Variants in SNX7 observed in about 807,000 individuals in gnomAD.
SNX7 encodes the protein sorting nexin 7, also known as sorting nexin-7.
A neutral mutation model predicts 48.4 loss-of-function variants in SNX7; 35 were observed. The observed-to-expected ratio is 0.72, with a 90% CI of 0.55 to 0.96. SNX7 has a LOEUF of 0.96. Among genes scored for constraint, SNX7 ranks in the 40% least tolerant of loss-of-function variants. SNX7 has a pLI of 0.00. For synonymous variants in SNX7, 190 were observed against 190.2 expected (o/e 1.00, Z 0.01); for missense variants, 553 against 548.9 (o/e 1.01, Z -0.07).
chr1:98,707,473 C>T (rs372855847), intron 7 of SNX7, among the ~76,000 whole-genome samples: 1 of 152,064 alleles, frequency 6.6e-6, no homozygotes, highest in East Asian at 1.9e-4. Flanking sequence ...TTTGGAGAAA[C>T]TTGTGGGTTT....
chr1:98,730,494 T>G (rs12142738), intron 7 of SNX7, among the ~76,000 whole-genome samples: 33,669 of 151,900 alleles, frequency 0.22, 4,311 homozygotes, highest in Non-Finnish European at 0.29. Flanking sequence ...CGAGCCTATA[T>G]CTAGAAAACC....
intron 1 of SNX7, among the ~76,000 whole-genome samples, chr1:98,665,003 GAA>G (rs1309188797): frequency 1.3e-5 from 2 of 152,052 alleles, no homozygotes; most frequent in African/African-American, 4.8e-5. Context: ...ACGTTTAAAG[GAA>G]AAAATCCTCC....
chr1:98,682,048 A>G (rs1650519891), intron 1 of SNX7, among the ~76,000 whole-genome samples: 1 of 151,276 alleles, frequency 6.6e-6, no homozygotes, highest in South Asian at 2.1e-4. Flanking sequence ...GCTTCCTATC[A>G]CATTTATGTC....
intron 7 of SNX7, among the ~76,000 whole-genome samples, 175 bp from the exon 8 acceptor site, chr1:98,738,062 G>A (rs1653881099): frequency 6.6e-6 from 1 of 152,112 alleles, no homozygotes; most frequent in Admixed American, 6.6e-5. Flanking sequence ...GACTCAACCT[G>A]ACTGAACCCC....
At chr1:98,665,055 A>T in intron 1 of SNX7, among the ~76,000 whole-genome samples, 1 of 152,298 alleles carries the variant, frequency 6.6e-6, no homozygotes, top group East Asian at 1.9e-4. Flanking sequence ...AATTGCCTTT[A>T]TTTTTATTGA....
chr1:98,737,754 G>C lies in SNX7; in HGVS notation c.1126-483G>C, dbSNP rs1321449309. On this transcript the variant is annotated intron_variant, in intron 7 of 8. Coordinates refer to ENST00000306121, the MANE Select transcript of SNX7 (RefSeq NM_015976.5). ...GTTAATCCCCTGGGCCTCCAGGTGG[G>C]ACTACAGAGTATGGATGTTATAACC... is the stretch of plus-strand genomic sequence containing the variant. Among the ~76,000 whole-genome samples the C allele has an allele frequency of 2.6e-5, 4 of 152,042 alleles. No homozygotes were observed. In the East Asian group the frequency reaches 7.7e-4, roughly 29 times the overall value.
chr1:98,688,702 A>G (rs1385909598), intron 2 of SNX7, among the ~76,000 whole-genome samples: 1 of 152,168 alleles, frequency 6.6e-6, no homozygotes, highest in East Asian at 1.9e-4. Context: ...TCAAATACCC[A>G]AGCTTTTATG....
chr1:98,675,437 T>A (rs9659362), intron 1 of SNX7, among the ~76,000 whole-genome samples: 39,300 of 152,056 alleles, frequency 0.26, 5,449 homozygotes, highest in South Asian at 0.31. Context: ...CTGCCTTTGC[T>A]AGATATCGAA....
At chr1:98,697,848 A>G (rs1441521629) in intron 5 of SNX7, among the ~76,000 whole-genome samples, 1 of 152,148 alleles carries the variant, frequency 6.6e-6, no homozygotes, top group Non-Finnish European at 1.5e-5. Flanking sequence ...GATTTATTTG[A>G]ACTGGAATTT....
chr1:98,755,283 T>C (rs1297513658), intron 8 of SNX7, among the ~76,000 whole-genome samples: 1 of 152,106 alleles, frequency 6.6e-6, no homozygotes, highest in Non-Finnish European at 1.5e-5. Context: ...TCTGCTTTTG[T>C]CCTGTAGATC....
At chr1:98,731,192 A>G (rs565361119) in intron 7 of SNX7, among the ~76,000 whole-genome samples, 171 of 151,262 alleles carry the variant, frequency 1.1e-3, no homozygotes, top group African/African-American at 3.8e-3. Flanking sequence ...ACTCCAAAGT[A>G]TAGGAATACT....
intron 8 of SNX7, among the ~76,000 whole-genome samples, chr1:98,742,957 C>T (rs1654143165): frequency 6.6e-6 from 1 of 151,850 alleles, no homozygotes; most frequent in South Asian, 2.1e-4. Context: ...ATACATCATA[C>T]TGATGTATAT....
At chr1:98,680,858 T>C (rs1229472732) in intron 1 of SNX7, among the ~76,000 whole-genome samples, 3 of 152,188 alleles carry the variant, frequency 2.0e-5, no homozygotes, top group Admixed American at 2.0e-4. Flanking sequence ...TTCCAAACTT[T>C]CCCACATTTT....
chr1:98,701,924 A>C (rs747670315), intron 7 of SNX7, 21 bp downstream of exon 7: 1 of 1,514,946 alleles, frequency 6.6e-7, no homozygotes, highest in South Asian at 1.2e-5. Flanking sequence ...AAGTTTCTTG[A>C]TACAATCATA....
intron 1 of SNX7, among the ~76,000 whole-genome samples, chr1:98,680,667 A>G (rs567483324): frequency 6.6e-6 from 1 of 152,232 alleles, no homozygotes; most frequent in South Asian, 2.1e-4. Context: ...TTAAAGTTCC[A>G]CAAATCTCTA....
At chr1:98,684,408 A>G (rs1469650016) in intron 1 of SNX7, among the ~76,000 whole-genome samples, 1 of 152,188 alleles carries the variant, frequency 6.6e-6, no homozygotes, top group African/African-American at 2.4e-5. Context: ...GCCTCTGGCA[A>G]GGGATGCTCT....
chr1:98,714,338 G>T (rs78824370), intron 7 of SNX7, among the ~76,000 whole-genome samples: 1 of 152,110 alleles, frequency 6.6e-6, no homozygotes, highest in Non-Finnish European at 1.5e-5. Context: ...GTAGTAATTT[G>T]TTCCCATTTT....
At chr1:98,669,193 C>T (rs372880197) in intron 1 of SNX7, among the ~76,000 whole-genome samples, 55 of 152,212 alleles carry the variant, frequency 3.6e-4, no homozygotes, top group African/African-American at 1.2e-3. Context: ...CAGTGTTTAC[C>T]TTCTAATCAT....
At chr1:98,677,524 A>G (rs988023568) in intron 1 of SNX7, among the ~76,000 whole-genome samples, 5 of 152,180 alleles carry the variant, frequency 3.3e-5, no homozygotes, top group African/African-American at 1.2e-4. Flanking sequence ...ACTGCTGACT[A>G]AAAGAGTTAT....
Sources: gnomAD v4.1 joint callset for allele counts (sites outside exome capture counted in the v4.1 genomes callset) on GRCh38, gnomAD v4.1.1 for gene constraint, MANE v1.5 for transcripts, NCBI Gene and HGNC (gene_info 2026-07-23, HGNC 2026-07-21) for gene names.